Variants in KCNJ3 observed in about 807,000 individuals in gnomAD.
KCNJ3 encodes the protein potassium inwardly rectifying channel subfamily J member 3.
A neutral mutation model predicts 39.2 loss-of-function variants in KCNJ3; 4 were observed. The observed-to-expected ratio is 0.10, with a 90% CI of 0.05 to 0.23. The LOEUF is 0.23. Ranked by LOEUF, KCNJ3 falls within the 10% of genes least tolerant of loss-of-function variation. The pLI is 1.00. For synonymous variants in KCNJ3, 230 were observed against 237.4 expected (o/e 0.97, Z 0.29); for missense variants, 276 against 634.9 (o/e 0.43, Z 6.08).
At chr2:154,837,518 A>G (rs574819410) in intron 2 of KCNJ3, among the ~76,000 whole-genome samples, 1 of 152,188 alleles carries the variant, frequency 6.6e-6, no homozygotes, top group East Asian at 1.9e-4. Flanking sequence ...GGTGAAGTAG[A>G]TTGGTATAGT....
At chr2:154,781,824 T>C (rs1360913317) in intron 2 of KCNJ3, among the ~76,000 whole-genome samples, 1 of 152,216 alleles carries the variant, frequency 6.6e-6, no homozygotes, top group African/African-American at 2.4e-5. Flanking sequence ...TGACTTTTAA[T>C]TTCTCCAACA....
intron 2 of KCNJ3, among the ~76,000 whole-genome samples, chr2:154,804,472 A>G (rs1042588884): frequency 2.0e-5 from 3 of 152,114 alleles, no homozygotes; most frequent in African/African-American, 7.2e-5. Flanking sequence ...TTGTTTTAGA[A>G]GATATTTCAC....
chr2:154,855,379 T>C lies in KCNJ3; in HGVS notation c.*66T>C. On this transcript the variant is annotated 3_prime_UTR_variant, in exon 3 of 3. Transcript: ENST00000295101. ...AATAGTCCAATATTTGGCGATGAGG[T>C]AATTCTCCCTAAGGAATCTGAAAGT... 9.6e-7 allele frequency: 1 copy of C among 1,038,456 alleles called. No homozygotes were observed. The highest frequency in any genetic ancestry group is 1.4e-6 in the Non-Finnish European group (1 of 718,916). 64.3% of individuals were successfully genotyped at this position (1,038,456 alleles called of 1,614,324 possible). A position where few individuals can be genotyped will look rare whatever the true frequency, so the allele number is the denominator to read the frequency against.
chr2:154,738,795 A>C (rs370902322), intron 2 of KCNJ3, among the ~76,000 whole-genome samples: 2 of 152,108 alleles, frequency 1.3e-5, no homozygotes, highest in East Asian at 3.9e-4. Flanking sequence ...TTTCAAAAAA[A>C]GAAGGTGCAA....
intron 2 of KCNJ3, among the ~76,000 whole-genome samples, chr2:154,833,872 ATTTT>A (rs138056231): frequency 6.6e-6 from 1 of 151,184 alleles, no homozygotes; most frequent in Non-Finnish European, 1.5e-5. Flanking sequence ...TTAATAGTGT[ATTTT>A]TTTTTATTAC....
At chr2:154,756,989 C>T (rs1322841985) in intron 2 of KCNJ3, among the ~76,000 whole-genome samples, 1 of 151,822 alleles carries the variant, frequency 6.6e-6, no homozygotes, top group Non-Finnish European at 1.5e-5. Flanking sequence ...TTCCTATATT[C>T]TTCCAAGAAA....
In KCNJ3 at chr2:154,855,071, A is replaced by G. The variant is rs930541277; in HGVS notation, c.1264A>G (p.Thr422Ala). The G allele has an allele frequency of 1.2e-6, 2 of 1,614,100 alleles. No individual in the cohort carries two copies. Among genetic ancestry groups the G allele is most frequent in the Non-Finnish European group, 1.7e-6 (2 of 1,179,964 alleles). Reference sequence around the variant, plus strand: ...CAAAAAACTCTTGAGGATGAGTTCTACAACTTCAGAAAAAGCCTACAGCTT... The same window carrying G: ...CAAAAAACTCTTGAGGATGAGTTCTGCAACTTCAGAAAAAGCCTACAGCTT... ...FPKKLLRMSS[T>A]TSEKAYSLGD... The change falls in exon 3 of 3, where the codon ACA (threonine) becomes GCA (alanine). Residue 422 changes from threonine (T) to alanine (A), a missense_variant. Around this residue, in one of 4 missense-constraint regions of KCNJ3, gnomAD observed 126 missense variants for 179.8 expected, o/e 0.70. Transcript: ENST00000295101.
At chr2:154,833,099 TTAAA>T (rs1480054195) in intron 2 of KCNJ3, among the ~76,000 whole-genome samples, 7 of 152,230 alleles carry the variant, frequency 4.6e-5, no homozygotes, top group Non-Finnish European at 2.9e-5. Flanking sequence ...TTAGAAATTG[TTAAA>T]TAAGTAAGCA....
intron 2 of KCNJ3, among the ~76,000 whole-genome samples, chr2:154,785,903 G>T (rs1332607217): frequency 2.6e-5 from 4 of 152,114 alleles, no homozygotes; most frequent in African/African-American, 7.2e-5. Flanking sequence ...CTGACATACT[G>T]GGGGTCAGGG....
chr2:154,707,340 A>G (rs780681930), intron 1 of KCNJ3, among the ~76,000 whole-genome samples: 13 of 152,072 alleles, frequency 8.5e-5, no homozygotes, highest in Non-Finnish European at 1.6e-4. Flanking sequence ...AATGGAACAG[A>G]TATATGCATA....
chr2:154,714,487 A>G (rs1317013764), intron 2 of KCNJ3, among the ~76,000 whole-genome samples: 2 of 152,126 alleles, frequency 1.3e-5, no homozygotes, highest in African/African-American at 4.8e-5. Flanking sequence ...GTGAACTCAC[A>G]AAGTGCTCAC....
chr2:154,742,513 T>G (rs1685670130), intron 2 of KCNJ3, among the ~76,000 whole-genome samples: 2 of 151,844 alleles, frequency 1.3e-5, no homozygotes, highest in Admixed American at 1.3e-4. Flanking sequence ...AGGGTTAAAA[T>G]TCCTCTACGT....
At chr2:154,843,354 C>T (rs1244380544) in intron 2 of KCNJ3, among the ~76,000 whole-genome samples, 2 of 152,156 alleles carry the variant, frequency 1.3e-5, no homozygotes, top group Non-Finnish European at 2.9e-5. Context: ...ACCTTTCTCT[C>T]TGGCTGCCCT....
At position 154,839,014 on chromosome 2, in the gene KCNJ3, G is replaced by C. The variant is rs143243528; in HGVS notation, c.920-15713G>C. Among the ~76,000 whole-genome samples, 426 of 152,180 alleles carry C rather than the reference G, an allele frequency of 2.8e-3. 4 individuals are homozygous for C. Among genetic ancestry groups the C allele is most frequent in the African/African-American group, 0.01 (419 of 41,520 alleles). On this transcript the variant is annotated intron_variant, in intron 2 of 2. Transcript: ENST00000295101. ...CACAACGTGCAGGTTTGATACATCG[G>C]TATACATGTGCCATGTTTGTTTGCT...
chr2:154,709,328 A>C, intron 1 of KCNJ3: 1 of 462,562 alleles, frequency 2.2e-6, no homozygotes, highest in Non-Finnish European at 3.9e-6. Context: ...TTGTGCTAAC[A>C]ACCATTGTTG....
Position 154,720,178 on chromosome 2 carries a change from G to C in KCNJ3, c.919+10359G>C, listed in dbSNP as rs2105159254. Among the ~76,000 whole-genome samples the C allele has an allele frequency of 1.3e-5, 2 of 152,096 alleles. 1 individual carries two copies. The highest frequency in any genetic ancestry group is 4.2e-4 in the South Asian group (2 of 4,814). ...CAGAATATTGAGAAAATATCCTCTT[G>C]GGACAGGGTAGGGAGGGAAGGAAGG... On this transcript the variant is annotated intron_variant, in intron 2 of 2. Coordinates refer to ENST00000295101, the MANE Select transcript of KCNJ3 (RefSeq NM_002239.4).
rs970732050 is a variant in KCNJ3, at chr2:154,699,716, A to C, written c.702+239A>C. 1.0e-5 allele frequency: 2 copies of C among 194,346 alleles called. No individual in the cohort carries two copies. Among genetic ancestry groups the C allele is most frequent in the African/African-American group, 4.8e-5 (2 of 42,074 alleles). 12.0% of individuals were successfully genotyped at this position (194,346 alleles called of 1,614,324 possible). On this transcript the variant is annotated intron_variant, in intron 1 of 2. Coordinates refer to ENST00000295101, the MANE Select transcript of KCNJ3 (RefSeq NM_002239.4). This position sits in a 1 kb window ranked among gnomAD's most constrained non-coding sequence, Gnocchi z 6.4. Reference sequence around the variant, plus strand: ...TCGTCATTTCGGATCTGCTTGTATCACTTACTGGACTAGTAACACGTGAGG... The same window carrying C: ...TCGTCATTTCGGATCTGCTTGTATCCCTTACTGGACTAGTAACACGTGAGG...
At chr2:154,718,733 T>G (rs1685220039) in intron 2 of KCNJ3, among the ~76,000 whole-genome samples, 1 of 152,216 alleles carries the variant, frequency 6.6e-6, no homozygotes, top group African/African-American at 2.4e-5. Flanking sequence ...TGGTTTTCAT[T>G]GCAGTGTTTT....
At chr2:154,852,396 G>A (rs753539931) in intron 2 of KCNJ3, among the ~76,000 whole-genome samples, 5 of 151,956 alleles carry the variant, frequency 3.3e-5, no homozygotes, top group Admixed American at 1.3e-4. Flanking sequence ...ATCTCATCTC[G>A]AAAAACATAA....
Sources: allele counts gnomAD v4.1 joint callset (sites outside exome capture counted in the v4.1 genomes callset), GRCh38; gene constraint gnomAD v4.1.1; regional missense constraint gnomAD v4.1.1; non-coding constraint Gnocchi (gnomAD v3.1); transcripts MANE v1.5; gene names NCBI Gene and HGNC (gene_info 2026-07-23, HGNC 2026-07-21).